The following ZMAT1 variants were observed in gnomAD, a reference collection of about 807,000 sequenced individuals.
ZMAT1 encodes zinc finger matrin-type protein 1.
Under a neutral mutation model 18.5 loss-of-function variants are expected in ZMAT1, and 11 were observed. That is an observed-to-expected ratio of 0.59 (90% CI 0.37 to 0.98). ZMAT1 has a LOEUF of 0.98. Among genes scored for constraint, ZMAT1 ranks in the 50% least tolerant of loss-of-function variants. ZMAT1 has a pLI of 0.01. For missense variants in ZMAT1, 525 were observed against 496.2 expected (o/e 1.06, Z -0.55); for synonymous variants, 211 against 176.4 (o/e 1.20, Z -1.55).
intron 1 of ZMAT1, among the ~76,000 whole-genome samples, chrX:101,914,531 G>A (rs1439457245): frequency 1.8e-5 from 2 of 110,747 alleles, no homozygotes; most frequent in Non-Finnish European, 1.9e-5. Context: ...AACTGATACC[G>A]CAGAAATTCA....
rs1926681383 is a variant in ZMAT1, at chrX:101,883,808, T to C, written c.1790A>G (p.Lys597Arg). The C allele has an allele frequency of 8.3e-7, 1 of 1,210,719 alleles. No homozygotes were observed. Among genetic ancestry groups the C allele is most frequent in the African/African-American group, 1.7e-5 (1 of 57,694 alleles). ...GCCTTCTTCTAGGTGTCGTTTTCTC[T>C]TCTGATGTTTCCGTTTATGACCTGC... ...HQAGHKRKHQKRKRHLEEGKE... is the reference protein window; with the variant it reads ...HQAGHKRKHQRRKRHLEEGKE... The change falls in exon 6 of 6, where the codon AAG becomes AGG. Residue 597 changes from lysine to arginine, a missense_variant. By Grantham distance (26) the Lys-to-Arg change is conservative. Transcript: ENST00000651725.
chrX:101,929,491 AG>A (rs1569444138), intron 1 of ZMAT1, among the ~76,000 whole-genome samples: 1,192 of 67,719 alleles, frequency 0.018, 39 homozygotes, highest in African/African-American at 0.046. Context: ...AGAGAGAGAG[AG>A]ACACACAAAT....
At position 101,883,496 on chromosome X, in the gene ZMAT1, A is replaced by G; in HGVS notation, c.*14T>C. Reference sequence around the variant, plus strand: ...TTTTTTTCAATTCAACCTTGGGTAAACAAAACTAAACATTCAAAATCCAAG... The same window carrying G: ...TTTTTTTCAATTCAACCTTGGGTAAGCAAAACTAAACATTCAAAATCCAAG... On this transcript the variant is annotated 3_prime_UTR_variant, in exon 6 of 6. Coordinates refer to ENST00000651725, the MANE Select transcript of ZMAT1 (RefSeq NM_001394560.1). 8.7e-7 allele frequency: 1 copy of G among 1,148,383 alleles called. No homozygotes were observed. The highest frequency in any genetic ancestry group is 1.2e-6 in the Non-Finnish European group (1 of 866,241). 94.6% of individuals were successfully genotyped at this position (1,148,383 alleles called of 1,213,427 possible).
chrX:101,931,579 G>GGGCGA (rs1170482450), intron 1 of ZMAT1, 138 bp downstream of exon 1: 6 of 690,032 alleles, frequency 8.7e-6, no homozygotes, highest in East Asian at 1.7e-4. Context: ...GGGCGGGGCG[G>GGGCGA]GGCGAGCTTG....
In ZMAT1 at chrX:101,882,419, G is replaced by C. The variant is rs1926538284; in HGVS notation, c.*1091C>G. ...TAGACTGTTTCATTTTCCACTTTCA[G>C]AACTAGAAAATGCAAAAATACACTG... On this transcript the variant is annotated 3_prime_UTR_variant, in exon 6 of 6. Coordinates refer to ENST00000651725, the MANE Select transcript of ZMAT1 (RefSeq NM_001394560.1). The C allele has an allele frequency of 9.0e-6, 1 of 111,465 alleles. No individual in the cohort carries two copies. The highest frequency in any genetic ancestry group is 3.3e-5 in the African/African-American group (1 of 30,584). The allele number at this position is 111,465 out of a possible 1,213,427, so 9.2% of individuals were successfully genotyped here.
intron 5 of ZMAT1, among the ~76,000 whole-genome samples, 182 bp downstream of exon 5, chrX:101,886,450 G>C (rs746166774): frequency 9.0e-6 from 1 of 111,249 alleles, no homozygotes; most frequent in African/African-American, 3.3e-5. Flanking sequence ...ATCATTACTA[G>C]AACTAAAACT....
chrX:101,904,386 C>A, intron 1 of ZMAT1, 56 bp from the exon 2 acceptor site: 2 of 886,576 alleles, frequency 2.3e-6, no homozygotes, highest in South Asian at 2.5e-5. Context: ...TTAGAGGTAT[C>A]ATTTTTCATT....
chrX:101,898,677 A>T (rs1927999559), intron 2 of ZMAT1, among the ~76,000 whole-genome samples: 1 of 111,813 alleles, frequency 8.9e-6, no homozygotes, highest in African/African-American at 3.3e-5. Flanking sequence ...TGGAATTAAG[A>T]TACAAAGGAT....
chrX:101,902,948 T>C (rs373633689), intron 2 of ZMAT1, among the ~76,000 whole-genome samples: 2 of 111,712 alleles, frequency 1.8e-5, no homozygotes, highest in African/African-American at 3.2e-5. Flanking sequence ...AGAAATCATA[T>C]TGGAATCACA....
Position 101,924,344 on chromosome X carries a change from A to G in ZMAT1, c.292+7373T>C, listed in dbSNP as rs369668020. On this transcript the variant is annotated intron_variant, in intron 1 of 5. Transcript: ENST00000651725. ...CCAGGCTGGTCTCGAACTCTTGACCACAGGTGATCCACTCATCTCGGCCTC... is the reference window on the plus strand; with the variant it reads ...CCAGGCTGGTCTCGAACTCTTGACCGCAGGTGATCCACTCATCTCGGCCTC... Among the ~76,000 whole-genome samples, 29 of 111,639 alleles carry G rather than the reference A, an allele frequency of 2.6e-4. 3 individuals carry two copies. Among genetic ancestry groups the G allele is most frequent in the East Asian group, 2.3e-3 (8 of 3,542 alleles).
intron 4 of ZMAT1, chrX:101,887,110 T>C (rs1260754842): frequency 2.6e-6 from 1 of 388,875 alleles, no homozygotes; most frequent in Admixed American, 8.7e-5. Context: ...CCTCTTTTTG[T>C]TTGCCCCAAC....
rs138810471 is a variant in ZMAT1, at chrX:101,883,614, G to A, written c.1984C>T (p.Pro662Ser). 147 of 1,204,313 alleles carry A rather than the reference G, an allele frequency of 1.2e-4. No individual in the cohort carries two copies. In the African/African-American group the frequency reaches 2.3e-3, roughly 18 times the overall value. Reference sequence around the variant, plus strand: ...TGCTTACGTTCTTCTTTCTCGGAGGGTACATCATGGCTTTTTTTCTTTTTT... The same window carrying A: ...TGCTTACGTTCTTCTTTCTCGGAGGATACATCATGGCTTTTTTTCTTTTTT... ...HRKKKKSHDVPSEKEERKHRK... is the reference protein window; with the variant it reads ...HRKKKKSHDVSSEKEERKHRK... The change falls in exon 6 of 6, where the codon CCC becomes TCC. Residue 662 changes from proline (P) to serine (S), a missense_variant. Physicochemically the swap from Pro to Ser is moderately conservative, Grantham distance 74. Transcript: ENST00000651725.
intron 1 of ZMAT1, among the ~76,000 whole-genome samples, chrX:101,922,486 G>A (rs1010985850): frequency 9.2e-6 from 1 of 108,906 alleles, no homozygotes; most frequent in Non-Finnish European, 1.9e-5. Flanking sequence ...CTCTGCCTCC[G>A]GGGTTCAAGT....
At chrX:101,887,388 CTT>C (rs1169663128) in intron 4 of ZMAT1, 1 of 295,558 alleles carries the variant, frequency 3.4e-6, no homozygotes, top group Admixed American at 9.2e-5. Flanking sequence ...CACTATTCCA[CTT>C]TGTAGGTAGA....
At chrX:101,907,397 A>G (rs1928688303) in intron 1 of ZMAT1, among the ~76,000 whole-genome samples, 1 of 112,664 alleles carries the variant, frequency 8.9e-6, no homozygotes, top group Non-Finnish European at 1.9e-5. Context: ...GGATCATACC[A>G]GATGGCCTGC....
intron 1 of ZMAT1, among the ~76,000 whole-genome samples, chrX:101,928,472 C>A (rs958541098): frequency 8.9e-6 from 1 of 112,393 alleles, no homozygotes; most frequent in Non-Finnish European, 1.9e-5. Context: ...ATTCTTCTGC[C>A]TCAGCCTCCT....
intron 2 of ZMAT1, among the ~76,000 whole-genome samples, chrX:101,902,226 C>T (rs1272628776): frequency 2.7e-5 from 3 of 111,749 alleles, no homozygotes; most frequent in African/African-American, 9.7e-5. Flanking sequence ...TGTGTGATCA[C>T]TAGTGAAGCT....
At chrX:101,897,788 C>G (rs1927929905) in intron 4 of ZMAT1, 80 bp downstream of exon 4, 1 of 910,912 alleles carries the variant, frequency 1.1e-6, no homozygotes, top group Non-Finnish European at 1.5e-6. Context: ...GTCTCCCCCA[C>G]TAAAAAGGAT....
chrX:101,920,641 C>T (rs929067202), intron 1 of ZMAT1, among the ~76,000 whole-genome samples: 8 of 112,010 alleles, frequency 7.1e-5, no homozygotes, highest in Admixed American at 5.7e-4. Flanking sequence ...TGTACTTAAA[C>T]GGATTTATCC....
Sources: gnomAD v4.1 joint callset for allele counts (sites outside exome capture counted in the v4.1 genomes callset) on GRCh38, gnomAD v4.1.1 for gene constraint, MANE v1.5 for transcripts, NCBI Gene and HGNC (gene_info 2026-07-23, HGNC 2026-07-21) for gene names.